Variants in PPWD1 observed in about 807,000 individuals in gnomAD.
PPWD1 encodes peptidylprolyl isomerase domain and WD repeat containing 1.
Under a neutral mutation model 68.8 loss-of-function variants are expected in PPWD1, and 43 were observed. The observed-to-expected ratio is 0.62, with a 90% CI of 0.49 to 0.81. The LOEUF is 0.81. Among genes scored for constraint, PPWD1 ranks in the 30% least tolerant of loss-of-function variants. The pLI, the probability that PPWD1 is intolerant of heterozygous loss-of-function variation, is 0.00. For missense variants in PPWD1, 672 were observed against 804.8 expected, an observed-to-expected ratio of 0.83 and a Z score of 2.00; for synonymous variants, 232 against 258.7, an observed-to-expected ratio of 0.90 and a Z score of 0.99.
chr5:65,574,198 T>A (rs2150597577), intron 5 of PPWD1, among the ~76,000 whole-genome samples: 1 of 152,312 alleles, frequency 6.6e-6, no homozygotes, highest in Admixed American at 6.5e-5. Flanking sequence ...AAGTAATATA[T>A]TTCCAGACAA....
intron 5 of PPWD1, among the ~76,000 whole-genome samples, chr5:65,573,625 T>TG (rs1281783408): frequency 1.4e-5 from 2 of 144,988 alleles, no homozygotes; most frequent in Admixed American, 7.0e-5. Context: ...CTGCCTGCCT[T>TG]GGCGTCCCAA....
At chr5:65,584,984 G>A (rs749155113) in intron 8 of PPWD1, 30 bp from the exon 9 acceptor site, 11 of 1,605,890 alleles carry the variant, frequency 6.8e-6, no homozygotes, top group Non-Finnish European at 8.5e-6. Flanking sequence ...CTCTGAATAG[G>A]TTTCATATTT....
At chr5:65,565,701 A>G (rs1752717775) in intron 1 of PPWD1, among the ~76,000 whole-genome samples, 1 of 151,320 alleles carries the variant, frequency 6.6e-6, no homozygotes, top group Non-Finnish European at 1.5e-5. Context: ...TCAGCTATTC[A>G]GGAGGCTGAG....
In PPWD1 at chr5:65,585,039, T is replaced by C. The variant is rs777102421; in HGVS notation, c.1558T>C (p.Cys520Arg). The C allele has an allele frequency of 1.2e-6, 2 of 1,612,708 alleles. No individual in the cohort carries two copies. The highest frequency in any genetic ancestry group is 1.7e-6 in the Non-Finnish European group (2 of 1,178,930). The change falls in exon 9 of 11, where the codon TGT (cysteine) becomes CGT (arginine). Residue 520 changes from cysteine (C) to arginine (R), a missense_variant. Cys to Arg is a radical substitution (Grantham distance 180). Around this residue, in one of 2 missense-constraint regions of PPWD1, gnomAD observed 484 missense variants for 646.2 expected, o/e 0.75. Coordinates refer to ENST00000261308, the MANE Select transcript of PPWD1 (RefSeq NM_015342.4). ...VECPKTVENF[C>R]VHSRNGYYNG... ...GTGCCCTAAGACAGTGGAAAACTTC[T>C]GTGTTCACAGCAGAAATGGTTATTA...
At chr5:65,586,230 G>GT in intron 10 of PPWD1, 49 bp downstream of exon 10, 1 of 1,540,114 alleles carries the variant, frequency 6.5e-7, no homozygotes, top group Non-Finnish European at 8.8e-7. Context: ...AGGTTATGAT[G>GT]TAAGAGAGTG....
Position 65,583,159 on chromosome 5 carries a change from C to G in PPWD1, c.1472C>G (p.Ser491Trp). Reference sequence around the variant, plus strand: ...CAAGCTGAAGGACCTAAACGAGTTTCGGACAGTGCCATTATCCACACCAGC... The same window carrying G: ...CAAGCTGAAGGACCTAAACGAGTTTGGGACAGTGCCATTATCCACACCAGC... ...ATQAEGPKRV[S>W]DSAIIHTSMG... The change falls in exon 8 of 11, where the codon TCG (serine) becomes TGG (tryptophan). Residue 491 changes from serine (S) to tryptophan (W), a missense_variant. Ser to Trp is a radical substitution (Grantham distance 177, BLOSUM62 -3). Coordinates refer to ENST00000261308, the MANE Select transcript of PPWD1 (RefSeq NM_015342.4). The G allele has an allele frequency of 6.2e-7, 1 of 1,613,222 alleles. No homozygotes were observed. The highest frequency in any genetic ancestry group is 8.5e-7 in the Non-Finnish European group (1 of 1,179,682).
chr5:65,581,701 G>A (rs1753607499), intron 7 of PPWD1, among the ~76,000 whole-genome samples: 1 of 152,104 alleles, frequency 6.6e-6, no homozygotes, highest in African/African-American at 2.4e-5. Context: ...GTTTACTTGT[G>A]TGTTGATCAA....
At position 65,573,581 on chromosome 5, in the gene PPWD1, C is replaced by A. The variant is rs1429665623; in HGVS notation, c.969+1295C>A. Among the ~76,000 whole-genome samples, 17 of 111,640 alleles carry A rather than the reference C, an allele frequency of 1.5e-4. No homozygotes were observed. In the Admixed American group the frequency reaches 1.6e-3, roughly 11 times the overall value. The allele number at this position is 111,640 out of a possible 152,430, so 73.2% of individuals were successfully genotyped here. ...GTACAGACGGGTTTCACCGTGTTAG[C>A]CAGGCTGGTCTTGAACTCCTGGCCT... On this transcript the variant is annotated intron_variant, in intron 5 of 10. Coordinates refer to ENST00000261308, the MANE Select transcript of PPWD1 (RefSeq NM_015342.4).
chr5:65,576,078 A>T (rs1364879863), intron 5 of PPWD1, among the ~76,000 whole-genome samples: 1 of 151,632 alleles, frequency 6.6e-6, no homozygotes, highest in Non-Finnish European at 1.5e-5. Context: ...TCAAAGACTT[A>T]ATTTTTTTTA....
chr5:65,575,918 T>C (rs1753258527), intron 5 of PPWD1, among the ~76,000 whole-genome samples: 1 of 152,252 alleles, frequency 6.6e-6, no homozygotes, highest in South Asian at 2.1e-4. Context: ...AATTGAGTGC[T>C]TGTTATGTCA....
At chr5:65,564,318 C>CTTT (rs550753414) in intron 1 of PPWD1, among the ~76,000 whole-genome samples, 207 of 117,194 alleles carry the variant, frequency 1.8e-3, no homozygotes, top group East Asian at 3.9e-3. Context: ...TTTTCTCTCT[C>CTTT]TTTTTTTTTT....
Position 65,581,277 on chromosome 5 carries a change from A to C in PPWD1, c.1350+1664A>C, listed in dbSNP as rs949767742. Among the ~76,000 whole-genome samples the C allele has an allele frequency of 2.0e-5, 3 of 152,220 alleles. No individual in the cohort carries two copies. The South Asian group carries it at 6.2e-4, about 32-fold the overall frequency. On this transcript the variant is annotated intron_variant, in intron 7 of 10. Transcript: ENST00000261308. Reference sequence around the variant, plus strand: ...CTTTAATTTAACTTTGTTAGGAAGTAAAAATTACCCATAAAAGATAATTCT... The same window carrying C: ...CTTTAATTTAACTTTGTTAGGAAGTCAAAATTACCCATAAAAGATAATTCT...
intron 2 of PPWD1, chr5:65,569,241 G>A (rs154951): frequency 0.63 from 186,348 of 297,000 alleles, 59,178 homozygotes; most frequent in South Asian, 0.66. Flanking sequence ...ATTTTGTTGC[G>A]TATGAAAGTA....
chr5:65,568,281 C>A (rs1032776445), intron 2 of PPWD1, among the ~76,000 whole-genome samples: 2 of 152,138 alleles, frequency 1.3e-5, no homozygotes, highest in Admixed American at 1.3e-4. Flanking sequence ...GTCCCAGGTA[C>A]TATGCTAAGG....
At chr5:65,579,289 AAC>A (rs1753487600) in intron 6 of PPWD1, 133 bp from the exon 7 acceptor site, 1 of 1,280,106 alleles carries the variant, frequency 7.8e-7, no homozygotes, top group Non-Finnish European at 1.0e-6. Context: ...GGGGTAGAGA[AAC>A]ACTTTTAAAA....
At position 65,581,578 on chromosome 5, in the gene PPWD1, C is replaced by T. The variant is rs1182409996; in HGVS notation, c.1351-1460C>T. ...TTCAGCCTAGGTGACAGAGCAAGACCCTATTGCTAAACAAAAACAGGCAAA... is the reference window on the plus strand; with the variant it reads ...TTCAGCCTAGGTGACAGAGCAAGACTCTATTGCTAAACAAAAACAGGCAAA... On this transcript the variant is annotated intron_variant, in intron 7 of 10. Coordinates refer to ENST00000261308, the MANE Select transcript of PPWD1 (RefSeq NM_015342.4). Among the ~76,000 whole-genome samples, 3 of 152,090 alleles carry T rather than the reference C, an allele frequency of 2.0e-5. No homozygotes were observed. In the East Asian group the frequency reaches 5.8e-4, roughly 29 times the overall value.
In PPWD1 at chr5:65,568,364, GAGTT is replaced by G. The variant is rs1359191086; in HGVS notation, c.299+753_299+756del. 7.9e-5 allele frequency among the ~76,000 whole-genome samples: 12 copies of G among 152,198 alleles called. No individual in the cohort carries two copies. In the East Asian group the frequency reaches 2.3e-3, roughly 29 times the overall value. ...TTATTTATCATAAGGATAATCTTGT[GAGTT>G]AGTACATGCTCTTCATTTTAGAGAT... On this transcript the variant is annotated intron_variant, in intron 2 of 10. Transcript: ENST00000261308.
chr5:65,582,612 G>A (rs1256919355), intron 7 of PPWD1: 2 of 159,736 alleles, frequency 1.3e-5, no homozygotes, highest in Admixed American at 5.9e-5. Flanking sequence ...AGTGAGGGAA[G>A]AGAAGAAATG....
chr5:65,563,331 C>G lies in PPWD1; in HGVS notation c.21C>G (p.Ser7Arg). 6.2e-7 allele frequency: 1 copy of G among 1,613,148 alleles called. No individual in the cohort carries two copies. The highest frequency in any genetic ancestry group is 8.5e-7 in the Non-Finnish European group (1 of 1,179,674). MAAESG[S>R]DFQQRRRRRR... ...ACAACATGGCGGCGGAAAGTGGTAG[C>G]GATTTTCAGCAGAGACGTAGAAGGC... The change falls in exon 1 of 11, where the codon AGC (serine) becomes AGG (arginine). Residue 7 changes from serine to arginine, a missense_variant. Physicochemically the swap from Ser to Arg is moderately radical, Grantham distance 110 (BLOSUM62 -1). Transcript: ENST00000261308.
Sources: allele counts gnomAD v4.1 joint callset (sites outside exome capture counted in the v4.1 genomes callset), GRCh38; gene constraint gnomAD v4.1.1; regional missense constraint gnomAD v4.1.1; transcripts MANE v1.5; gene names NCBI Gene and HGNC (gene_info 2026-07-23, HGNC 2026-07-21).